Variants in FAM171A1 observed in about 807,000 individuals in gnomAD.
FAM171A1 encodes family with sequence similarity 171 member A1.
A neutral mutation model predicts 74.9 loss-of-function variants in FAM171A1; 23 were observed. The ratio of observed to expected loss-of-function variants is 0.31; its 90% CI spans 0.22 to 0.44. The LOEUF (loss-of-function observed/expected upper bound fraction) is 0.44. Among genes scored for constraint, FAM171A1 ranks in the 20% least tolerant of loss-of-function variants. The pLI, the probability that FAM171A1 is intolerant of heterozygous loss-of-function variation, is 1.00. For missense variants in FAM171A1, 1,162 were observed against 1,159.2 expected, an observed-to-expected ratio of 1.00 and a Z score of -0.03; for synonymous variants, 527 against 505.7, an observed-to-expected ratio of 1.04 and a Z score of -0.57.
At chr10:15,370,913 C>A in intron 1 of FAM171A1, 43 bp downstream of exon 1, 1 of 979,112 alleles carries the variant, frequency 1.0e-6, no homozygotes. Context: ...CGCGCCAGGC[C>A]CGGCGCGACA....
At chr10:15,303,008 G>C (rs959077518) in intron 1 of FAM171A1, among the ~76,000 whole-genome samples, 1 of 152,088 alleles carries the variant, frequency 6.6e-6, no homozygotes, top group African/African-American at 2.4e-5. Context: ...GGCCAATATG[G>C]TGAAACCCCG....
At chr10:15,283,844 C>G (rs1835000407) in intron 2 of FAM171A1, 34 bp downstream of exon 2, 1 of 1,605,630 alleles carries the variant, frequency 6.2e-7, no homozygotes, top group Non-Finnish European at 8.5e-7. Context: ...CAGCCAATGC[C>G]CTCTGTGTTA....
chr10:15,368,563 T>C (rs1001935863), intron 1 of FAM171A1, among the ~76,000 whole-genome samples: 2 of 152,312 alleles, frequency 1.3e-5, no homozygotes, highest in African/African-American at 2.4e-5. Flanking sequence ...AAGGTAAACA[T>C]TGAACTTTTC....
intron 5 of FAM171A1, among the ~76,000 whole-genome samples, chr10:15,239,498 TC>T (rs201500117): frequency 0.01 from 1,525 of 152,114 alleles, 23 homozygotes; most frequent in African/African-American, 0.034. Flanking sequence ...AGATGGGGTT[TC>T]ACTATGTTGA....
intron 1 of FAM171A1, among the ~76,000 whole-genome samples, chr10:15,284,362 ATGATCAAGAG>A (rs1835009861): frequency 6.6e-6 from 1 of 152,158 alleles, no homozygotes; most frequent in Non-Finnish European, 1.5e-5. Flanking sequence ...AAATCAACAA[ATGATCAAGAG>A]AAAAATTCTA....
chr10:15,267,436 C>T (rs1834759906), intron 3 of FAM171A1, among the ~76,000 whole-genome samples: 1 of 151,962 alleles, frequency 6.6e-6, no homozygotes, highest in South Asian at 2.1e-4. Flanking sequence ...AACCACGTCT[C>T]TACTAAAAAT....
At chr10:15,267,131 C>A (rs1834754723) in intron 3 of FAM171A1, among the ~76,000 whole-genome samples, 1 of 152,144 alleles carries the variant, frequency 6.6e-6, no homozygotes, top group African/African-American at 2.4e-5. Flanking sequence ...ACGTGTACCC[C>A]ACAGGGGGGC....
At chr10:15,326,247 G>A (rs1023539434) in intron 1 of FAM171A1, among the ~76,000 whole-genome samples, 3 of 152,072 alleles carry the variant, frequency 2.0e-5, no homozygotes, top group African/African-American at 7.2e-5. Flanking sequence ...GTAGGCTCAG[G>A]AAGTAATTAA....
At chr10:15,261,887 G>A (rs1355817722) in intron 3 of FAM171A1, among the ~76,000 whole-genome samples, 2 of 152,174 alleles carry the variant, frequency 1.3e-5, no homozygotes, top group African/African-American at 4.8e-5. Flanking sequence ...GGAGGCTGAG[G>A]CAGGAGGAAC....
At chr10:15,308,107 A>C (rs563838266) in intron 1 of FAM171A1, among the ~76,000 whole-genome samples, 4 of 152,284 alleles carry the variant, frequency 2.6e-5, no homozygotes, top group Admixed American at 2.0e-4. Context: ...CAGGCCCAGA[A>C]AAATTTTACT....
intron 1 of FAM171A1, among the ~76,000 whole-genome samples, chr10:15,292,481 T>A (rs1835113925): frequency 6.6e-6 from 1 of 152,106 alleles, no homozygotes; most frequent in East Asian, 1.9e-4. Context: ...CCCTGGAAAT[T>A]TTTTGCTGTT....
intron 1 of FAM171A1, among the ~76,000 whole-genome samples, chr10:15,325,141 T>G (rs949513278): frequency 2.0e-5 from 3 of 152,356 alleles, no homozygotes; most frequent in Admixed American, 6.5e-5. Flanking sequence ...GCAAAATGTA[T>G]GCAGAAAACA....
At chr10:15,303,726 C>A (rs1287952581) in intron 1 of FAM171A1, among the ~76,000 whole-genome samples, 1 of 152,234 alleles carries the variant, frequency 6.6e-6, no homozygotes, top group Non-Finnish European at 1.5e-5. Flanking sequence ...CTAAATGTCA[C>A]CTGCCCAATG....
At chr10:15,251,463 T>C (rs1383219734) in intron 4 of FAM171A1, among the ~76,000 whole-genome samples, 3 of 151,072 alleles carry the variant, frequency 2.0e-5, no homozygotes, top group Non-Finnish European at 2.9e-5. Context: ...AGTGCAATGG[T>C]GCAATCTTGG....
chr10:15,276,054 A>G, intron 2 of FAM171A1, 107 bp from the exon 3 acceptor site: 2 of 656,982 alleles, frequency 3.0e-6, no homozygotes, highest in East Asian at 5.5e-5. Context: ...ATTTCAAATC[A>G]ATTAATACAA....
At chr10:15,352,951 G>T (rs773810182) in intron 1 of FAM171A1, among the ~76,000 whole-genome samples, 1 of 152,156 alleles carries the variant, frequency 6.6e-6, no homozygotes, top group Non-Finnish European at 1.5e-5. Flanking sequence ...ACTTAATTTT[G>T]CTACCAGCAA....
chr10:15,327,486 CA>C (rs1216634849), intron 1 of FAM171A1, among the ~76,000 whole-genome samples: 3 of 151,992 alleles, frequency 2.0e-5, no homozygotes, highest in Non-Finnish European at 4.4e-5. Context: ...CCCATCTCTA[CA>C]AAAAAACATA....
At chr10:15,222,438 A>T (rs1834050832) in intron 5 of FAM171A1, among the ~76,000 whole-genome samples, 1 of 152,192 alleles carries the variant, frequency 6.6e-6, no homozygotes, top group South Asian at 2.1e-4. Flanking sequence ...GCTGAATACC[A>T]TAGGCCACCG....
chr10:15,348,630 T>C (rs1835843516), intron 1 of FAM171A1, among the ~76,000 whole-genome samples: 1 of 152,170 alleles, frequency 6.6e-6, no homozygotes, highest in South Asian at 2.1e-4. Flanking sequence ...ACTTCGAGTG[T>C]GGTCCTCCAA....
Sources: allele counts gnomAD v4.1 joint callset (sites outside exome capture counted in the v4.1 genomes callset), GRCh38; gene constraint gnomAD v4.1.1; transcripts MANE v1.5; gene names NCBI Gene and HGNC (gene_info 2026-07-23, HGNC 2026-07-21).